Variants in SATB2 observed in about 807,000 individuals in gnomAD.
The protein encoded by SATB2 is DNA-binding protein SATB2.
A neutral mutation model predicts 73.4 loss-of-function variants in SATB2; 1 was observed. That is an observed-to-expected ratio of 0.01 (90% CI 0.00 to 0.06). SATB2 has a LOEUF of 0.06. Among genes scored for constraint, SATB2 ranks in the 10% least tolerant of loss-of-function variants. The pLI is 1.00. For synonymous variants in SATB2, 397 were observed against 367.0 expected (o/e 1.08, Z -0.93); for missense variants, 459 against 945.8 (o/e 0.49, Z 6.75).
At chr2:199,435,921 A>G (rs1383793548) in intron 2 of SATB2, among the ~76,000 whole-genome samples, 2 of 152,198 alleles carry the variant, frequency 1.3e-5, no homozygotes, top group African/African-American at 4.8e-5. Flanking sequence ...CCAAGGAAGT[A>G]GGTAGATTTT....
At chr2:199,340,609 T>G (rs748872386) in intron 7 of SATB2, among the ~76,000 whole-genome samples, 1 of 152,170 alleles carries the variant, frequency 6.6e-6, no homozygotes, top group Admixed American at 6.5e-5. Flanking sequence ...AAAAACCCCA[T>G]ACAACATAAA....
intron 5 of SATB2, among the ~76,000 whole-genome samples, chr2:199,374,874 G>A (rs1051658185): frequency 2.6e-5 from 4 of 151,162 alleles, no homozygotes; most frequent in African/African-American, 9.7e-5. Flanking sequence ...TGAGCGGGGA[G>A]AATTGCTTCT....
intron 3 of SATB2, among the ~76,000 whole-genome samples, chr2:199,419,346 T>G (rs949918093): frequency 6.6e-6 from 1 of 152,230 alleles, no homozygotes; most frequent in Non-Finnish European, 1.5e-5. Context: ...CAGGAAACTA[T>G]TAAACGCACT....
chr2:199,354,439 T>C (rs1688913196), intron 6 of SATB2, among the ~76,000 whole-genome samples: 1 of 152,154 alleles, frequency 6.6e-6, no homozygotes, highest in South Asian at 2.1e-4. Context: ...GTGAACTTGA[T>C]TCTACTGTGG....
upstream of SATB2, chr2:199,467,362 T>C (rs1032569622): frequency 1.3e-5 from 2 of 152,324 alleles, no homozygotes; most frequent in Non-Finnish European, 2.9e-5. Context: ...GGCAAGTGTG[T>C]CTTTTCCAAG....
At chr2:199,343,008 T>G (rs1688551371) in intron 7 of SATB2, among the ~76,000 whole-genome samples, 1 of 152,204 alleles carries the variant, frequency 6.6e-6, no homozygotes, top group South Asian at 2.1e-4. Context: ...TTATTATGAA[T>G]TTAAGTTTTT....
chr2:199,406,211 A>G (rs1022434438), intron 3 of SATB2, among the ~76,000 whole-genome samples: 1 of 152,180 alleles, frequency 6.6e-6, no homozygotes, highest in Admixed American at 6.5e-5. Context: ...TGGACACAAA[A>G]GGATGATTCT....
intron 10 of SATB2, among the ~76,000 whole-genome samples, chr2:199,273,124 T>C (rs888855424): frequency 4.6e-5 from 7 of 152,222 alleles, no homozygotes; most frequent in African/African-American, 1.7e-4. Context: ...TTTCAGCCTC[T>C]ATTTCATCAT....
chr2:199,368,454 A>G, intron 6 of SATB2, 151 bp downstream of exon 6: 1 of 639,726 alleles, frequency 1.6e-6, no homozygotes, highest in Non-Finnish European at 2.8e-6. Context: ...AAGGGAGCCA[A>G]CTAGGATCTC....
Position 199,272,750 on chromosome 2 carries a change from G to A in SATB2, c.1741-78C>T. 7.7e-7 allele frequency: 1 copy of A among 1,306,600 alleles called. No homozygotes were observed. Among genetic ancestry groups the A allele is most frequent in the Non-Finnish European group, 1.1e-6 (1 of 901,358 alleles). 80.9% of individuals were successfully genotyped at this position (1,306,600 alleles called of 1,614,324 possible). ...CAAAACCATCAGCCCTCTGAAATAT[G>A]TGTTATCTATCTAGCACTGGAGGTA... On this transcript the variant is annotated intron_variant, in intron 10 of 10. Coordinates refer to ENST00000417098, the MANE Select transcript of SATB2 (RefSeq NM_001172509.2). The surrounding 1 kb of genome is among the most constrained non-coding windows in gnomAD (Gnocchi z 6.7).
At chr2:199,456,737 G>A (rs1264402334) in intron 1 of SATB2, among the ~76,000 whole-genome samples, 10 of 152,148 alleles carry the variant, frequency 6.6e-5, no homozygotes, top group Admixed American at 6.5e-4. Flanking sequence ...CATCACAAAG[G>A]CGGGCGCTAC....
chr2:199,335,100 T>A (rs1034038728), intron 7 of SATB2, among the ~76,000 whole-genome samples: 1 of 152,100 alleles, frequency 6.6e-6, no homozygotes, highest in Non-Finnish European at 1.5e-5. Context: ...GAATAAAAGG[T>A]ATACAGGGCA....
upstream of SATB2, among the ~76,000 whole-genome samples, chr2:199,460,878 A>G (rs1692459981): frequency 6.6e-6 from 1 of 152,238 alleles, no homozygotes; most frequent in Non-Finnish European, 1.5e-5. The surrounding 1 kb of genome is among the most constrained non-coding windows in gnomAD (Gnocchi z 4.0). Flanking sequence ...GGACTATTTA[A>G]ATGAAATATA....
At chr2:199,338,349 C>T (rs1305985049) in intron 7 of SATB2, among the ~76,000 whole-genome samples, 1 of 149,216 alleles carries the variant, frequency 6.7e-6, no homozygotes, top group Non-Finnish European at 1.5e-5. Context: ...GCCTGGGCGA[C>T]AGAGCAAGAC....
chr2:199,352,855 C>T (rs747680703), intron 6 of SATB2, among the ~76,000 whole-genome samples: 17 of 151,980 alleles, frequency 1.1e-4, no homozygotes, highest in Non-Finnish European at 1.5e-4. Context: ...GTGTTAGCAA[C>T]TAATGCCATT....
intron 5 of SATB2, among the ~76,000 whole-genome samples, chr2:199,370,783 G>A (rs1042151959): frequency 2.0e-5 from 3 of 151,974 alleles, no homozygotes; most frequent in African/African-American, 7.3e-5. Context: ...GCTCCTACTG[G>A]CTCCGTCGGC....
chr2:199,366,967 G>A (rs1410439954), intron 6 of SATB2, among the ~76,000 whole-genome samples: 1 of 152,020 alleles, frequency 6.6e-6, no homozygotes, highest in Non-Finnish European at 1.5e-5. Context: ...AAACACTAGA[G>A]TGAAGAGTTT....
chr2:199,396,985 A>G (rs533461870), intron 3 of SATB2: 3 of 152,232 alleles, frequency 2.0e-5, no homozygotes, highest in East Asian at 1.9e-4. Flanking sequence ...TGCACAAACC[A>G]TCTTCCTGAA....
intron 2 of SATB2, among the ~76,000 whole-genome samples, chr2:199,435,709 G>T (rs1019925208): frequency 6.6e-6 from 1 of 152,126 alleles, no homozygotes; most frequent in Non-Finnish European, 1.5e-5. Context: ...TATGTGACAG[G>T]TATCACCACC....
Sources: gnomAD v4.1 joint callset for allele counts (sites outside exome capture counted in the v4.1 genomes callset) on GRCh38, gnomAD v4.1.1 for gene constraint, Gnocchi (gnomAD v3.1) non-coding constraint, MANE v1.5 for transcripts, NCBI Gene and HGNC (gene_info 2026-07-23, HGNC 2026-07-21) for gene names.